Variants in FBN3 observed in about 807,000 individuals in gnomAD.
FBN3 encodes the protein fibrillin-3.
Under a neutral mutation model 330.1 loss-of-function variants are expected in FBN3, and 234 were observed. The ratio of observed to expected loss-of-function variants is 0.71; its 90% CI spans 0.64 to 0.79. The LOEUF is 0.79. FBN3 is among the 30% of genes least tolerant of loss of function. FBN3 has a pLI of 0.00. For synonymous variants in FBN3, 1,458 were observed against 1,517.3 expected, an observed-to-expected ratio of 0.96 and a Z score of 0.91; for missense variants, 3,606 against 3,886.9, an observed-to-expected ratio of 0.93 and a Z score of 1.92.
intron 30 of FBN3, among the ~76,000 whole-genome samples, chr19:8,112,629 GAC>G (rs2082616504): frequency 6.6e-6 from 1 of 152,086 alleles, no homozygotes; most frequent in Non-Finnish European, 1.5e-5. Context: ...TAGCCTGGGC[GAC>G]AGAGTGAGAC....
intron 30 of FBN3, among the ~76,000 whole-genome samples, chr19:8,113,068 CTAAGT>C (rs2082626261): frequency 6.6e-6 from 1 of 152,178 alleles, no homozygotes; most frequent in Admixed American, 6.5e-5. Flanking sequence ...GTAGATGTAA[CTAAGT>C]TAAGATGAGG....
intron 42 of FBN3, 95 bp downstream of exon 42, chr19:8,097,194 G>C: frequency 6.6e-7 from 1 of 1,506,132 alleles, no homozygotes; most frequent in East Asian, 2.4e-5. Context: ...CAGGGAAATG[G>C]AGGCTTACAG....
At chr19:8,139,219 C>T (rs137994630) in intron 8 of FBN3, among the ~76,000 whole-genome samples, 196 of 152,102 alleles carry the variant, frequency 1.3e-3, no homozygotes, top group African/African-American at 4.6e-3. Flanking sequence ...CGGTGGCGCA[C>T]ACCTGTAATC....
At chr19:8,145,423 G>A (rs1317161975) in intron 5 of FBN3, among the ~76,000 whole-genome samples, 1 of 146,136 alleles carries the variant, frequency 6.8e-6, no homozygotes, top group Non-Finnish European at 1.5e-5. Flanking sequence ...GCTCACGCCT[G>A]TAATCCCAGC....
At chr19:8,089,802 C>A in intron 50 of FBN3, 92 bp downstream of exon 50, 1 of 1,536,516 alleles carries the variant, frequency 6.5e-7, no homozygotes. Flanking sequence ...CCCAGGCTCT[C>A]AGGGGGAGCC....
chr19:8,144,807 G>A (rs755199614), intron 6 of FBN3, 70 bp downstream of exon 6: 4 of 1,293,764 alleles, frequency 3.1e-6, no homozygotes, highest in Non-Finnish European at 4.4e-6. Context: ...CCATGTCTCA[G>A]GGACTTCCAG....
In FBN3 at chr19:8,097,429, T is replaced by G. The variant is rs1430151115; in HGVS notation, c.5162-15A>C. 6.3e-7 allele frequency: 1 copy of G among 1,578,894 alleles called. No homozygotes were observed. The highest frequency in any genetic ancestry group is 8.7e-7 in the Non-Finnish European group (1 of 1,151,988). ...CTCATCAATGTCTGCAGAAGGCATCTGCCATCAGGGGCAGCCCAGCCCCCT... is the reference window on the plus strand; with the variant it reads ...CTCATCAATGTCTGCAGAAGGCATCGGCCATCAGGGGCAGCCCAGCCCCCT... On this transcript the variant is annotated splice_polypyrimidine_tract_variant and intron_variant, in intron 41 of 63. Coordinates refer to ENST00000600128, the MANE Select transcript of FBN3 (RefSeq NM_032447.5).
intron 25 of FBN3, among the ~76,000 whole-genome samples, chr19:8,119,861 C>G (rs568789644): frequency 2.2e-5 from 3 of 139,522 alleles, no homozygotes; most frequent in Non-Finnish European, 4.6e-5. Context: ...CACACTGTTA[C>G]CCAGCCTGGA....
chr19:8,081,032 C>T lies in FBN3; in HGVS notation c.7424G>A (p.Gly2475Asp). ...VGAFTCRCPP[G>D]FTQHHQACFD... ...GCAGGCCTGGTGGTGCTGGGTGAAGCCGGGCGGACAGCGGCAGGTGAAGGC... is the reference window on the plus strand; with the variant it reads ...GCAGGCCTGGTGGTGCTGGGTGAAGTCGGGCGGACAGCGGCAGGTGAAGGC... Residue 2475 changes from glycine to aspartate, a missense_variant, in exon 59 of 64, where the codon GGC becomes GAC. Transcript: ENST00000600128. 1 of 1,613,140 alleles carries T rather than the reference C, an allele frequency of 6.2e-7. No homozygotes were observed. Among genetic ancestry groups the T allele is most frequent in the Non-Finnish European group, 8.5e-7 (1 of 1,179,892 alleles).
In FBN3 at chr19:8,117,290, G is replaced by A. The variant is rs118050938; in HGVS notation, c.3465C>T (p.Asp1155=). The change falls in exon 28 of 64, where the codon GAC becomes GAT. Residue 1155 remains aspartate (D), a splice_region_variant and synonymous_variant. Coordinates refer to ENST00000600128, the MANE Select transcript of FBN3 (RefSeq NM_032447.5). ...CATTCTGGACCCGGCATTCGTTGAT[G>A]TCTGCAGGATGCAGGGCAGACAGGG... is the stretch of plus-strand genomic sequence containing the variant. ...QSTPDRQGCV[D]INECRVQNGG... 41,575 of 1,611,144 alleles carry A rather than the reference G, an allele frequency of 0.026. 686 individuals carry two copies. Among genetic ancestry groups the A allele is most frequent in the Non-Finnish European group, 0.032 (37,397 of 1,178,480 alleles).
chr19:8,088,863 GTGAATGAGTAAATGAA>G (rs913597836), intron 51 of FBN3, among the ~76,000 whole-genome samples: 1 of 152,112 alleles, frequency 6.6e-6, no homozygotes, highest in African/African-American at 2.4e-5. Context: ...GAGTGAATGA[GTGAATGAGTAAATGAA>G]TGAGTGAGTG....
At chr19:8,097,064 A>G (rs2082226681) in intron 42 of FBN3, 58 bp from the exon 43 acceptor site, 1 of 1,586,802 alleles carries the variant, frequency 6.3e-7, no homozygotes, top group African/African-American at 1.3e-5. Flanking sequence ...TGACAGAATC[A>G]AACGTGAAAC....
At chr19:8,086,683 T>C (rs966075531) in intron 54 of FBN3, among the ~76,000 whole-genome samples, 3 of 151,038 alleles carry the variant, frequency 2.0e-5, no homozygotes, top group African/African-American at 7.3e-5. Flanking sequence ...GTCCACCCTG[T>C]TCTCAAACTC....
rs199641080 is a variant in FBN3, at chr19:8,123,839, C to A, written c.2901G>T (p.Pro967=). The stretch of plus-strand genomic sequence containing the variant: ...CCCGGCTGGCGAAGCCCAGCCCCCG[C>A]GGGCACAGGCTGGCGAACTCCAGAG... ...PESLEFASLC[P]RGLGFASRDF... Residue 967 remains proline, a synonymous_variant, in exon 23 of 64, where the codon CCG becomes CCT. Coordinates refer to ENST00000600128, the MANE Select transcript of FBN3 (RefSeq NM_032447.5). 1 of 1,613,274 alleles carries A rather than the reference C, an allele frequency of 6.2e-7. No homozygotes were observed. The highest frequency in any genetic ancestry group is 2.2e-5 in the East Asian group (1 of 44,886).
chr19:8,119,180 G>A (rs550491990), intron 25 of FBN3, among the ~76,000 whole-genome samples, 158 bp from the exon 26 acceptor site: 7 of 152,320 alleles, frequency 4.6e-5, no homozygotes, highest in Non-Finnish European at 8.8e-5. Flanking sequence ...ATGACCCAGG[G>A]GAGTGGGGTC....
rs941641802 is a variant in FBN3 at position 8,109,015 on chromosome 19, A to G, written c.4618+212T>C. Among the ~76,000 whole-genome samples the G allele has an allele frequency of 1.3e-5, 2 of 152,198 alleles. No homozygotes were observed. The highest frequency in any genetic ancestry group is 2.9e-5 in the Non-Finnish European group (2 of 68,044). On this transcript the variant is annotated intron_variant, in intron 36 of 63. Transcript: ENST00000600128. The surrounding 1 kb of genome is among the most constrained non-coding windows in gnomAD (Gnocchi z 5.2). The stretch of plus-strand genomic sequence containing the variant: ...AGTGATCAAGTGACTATAAACACAG[A>G]GAATTTACAGAAAGCGACCTTGGAG...
rs543352626 is a variant in FBN3 at position 8,142,272 on chromosome 19, A to G, written c.542-135T>C. 2.0e-4 allele frequency: 136 copies of G among 689,616 alleles called. No homozygotes were observed. The South Asian group carries it at 2.5e-3, about 13-fold the overall frequency. 42.7% of individuals were successfully genotyped at this position (689,616 alleles called of 1,614,324 possible). A position where few individuals can be genotyped will look rare whatever the true frequency, so the allele number is the denominator to read the frequency against. ...TTATGCTGCTCCCTTACTAAATAGA[A>G]TATCTTTCCTCCCCTTTCCCTACCT... On this transcript the variant is annotated intron_variant, in intron 6 of 63. Transcript: ENST00000600128.
intron 57 of FBN3, 96 bp downstream of exon 57, chr19:8,083,151 T>G (rs894949501): frequency 1.4e-6 from 2 of 1,465,644 alleles, no homozygotes; most frequent in Non-Finnish European, 1.9e-6. Flanking sequence ...AAGCCTAACA[T>G]TGCAAAGTGG....
At position 8,149,324 on chromosome 19, in the gene FBN3, G is replaced by A. The variant is rs1390657982; in HGVS notation, c.-18+125C>T. On this transcript the variant is annotated intron_variant, in intron 1 of 63. Coordinates refer to ENST00000600128, the MANE Select transcript of FBN3 (RefSeq NM_032447.5). The surrounding 1 kb of genome is among the most constrained non-coding windows in gnomAD (Gnocchi z 5.5). ...GCGGAGAGGGGAGGGGGCTGGGCCC[G>A]GGGCTGCCCGGCTGCGAACAAAGGA... The A allele has an allele frequency of 6.6e-6, 1 of 151,796 alleles. No homozygotes were observed. The highest frequency in any genetic ancestry group is 1.5e-5 in the Non-Finnish European group (1 of 67,906). The allele number at this position is 151,796 out of a possible 1,614,324, so 9.4% of individuals were successfully genotyped here. A position where few individuals can be genotyped will look rare whatever the true frequency, so the allele number is the denominator to read the frequency against.
Sources: gnomAD v4.1 joint callset for allele counts (sites outside exome capture counted in the v4.1 genomes callset) on GRCh38, gnomAD v4.1.1 for gene constraint, Gnocchi (gnomAD v3.1) non-coding constraint, MANE v1.5 for transcripts, NCBI Gene and HGNC (gene_info 2026-07-23, HGNC 2026-07-21) for gene names.